NCKAP5: variants seen among roughly 807,000 people sequenced by gnomAD.
NCKAP5 encodes the protein nck-associated protein 5.
In NCKAP5, 92 loss-of-function variants were observed where a neutral mutation model predicts 167.0. The ratio of observed to expected loss-of-function variants is 0.55; its 90% CI spans 0.47 to 0.66. The LOEUF (loss-of-function observed/expected upper bound fraction) is 0.66, where lower values mean the gene tolerates loss of function less well. Ranked by LOEUF, NCKAP5 falls within the 30% of genes least tolerant of loss-of-function variation. The pLI, the probability that NCKAP5 is intolerant of heterozygous loss-of-function variation, is 0.00. For missense variants in NCKAP5, 2,378 were observed against 2,315.0 expected, an observed-to-expected ratio of 1.03 and a Z score of -0.56; for synonymous variants, 891 against 877.4, an observed-to-expected ratio of 1.02 and a Z score of -0.27.
intron 11 of NCKAP5, among the ~76,000 whole-genome samples, chr2:132,819,884 C>T (rs1686575402): frequency 6.6e-6 from 1 of 152,182 alleles, no homozygotes; most frequent in Admixed American, 6.5e-5. Context: ...GTTGAACAAG[C>T]TCCAGTCTGT....
chr2:132,985,714 C>T (rs950266293), intron 7 of NCKAP5, among the ~76,000 whole-genome samples: 14 of 152,134 alleles, frequency 9.2e-5, no homozygotes, highest in African/African-American at 3.4e-4. Flanking sequence ...AGAGTTTCAG[C>T]CCTTTAAATC....
At chr2:132,742,893 A>G (rs931391661) in intron 16 of NCKAP5, among the ~76,000 whole-genome samples, 11 of 152,030 alleles carry the variant, frequency 7.2e-5, no homozygotes, top group African/African-American at 2.6e-4. Flanking sequence ...AGATGAGTCC[A>G]TCTTTCCATT....
chr2:132,689,650 C>T (rs1018316897), intron 19 of NCKAP5, among the ~76,000 whole-genome samples: 7 of 152,144 alleles, frequency 4.6e-5, no homozygotes, highest in African/African-American at 9.7e-5. Flanking sequence ...CAGTCTCTGT[C>T]ATCTGTCATC....
intron 6 of NCKAP5, among the ~76,000 whole-genome samples, chr2:133,037,272 C>T (rs1318496684): frequency 6.6e-6 from 1 of 152,062 alleles, no homozygotes; most frequent in African/African-American, 2.4e-5. Context: ...ATACCAATGA[C>T]ATTCTTCAAA....
chr2:133,674,545 C>T, the NCKAP5 span, among the ~76,000 whole-genome samples: 1 of 152,208 alleles, frequency 6.6e-6, no homozygotes, highest in Admixed American at 6.5e-5. Context: ...CCAGAAAAAT[C>T]ACAGGCAAAC....
intron 9 of NCKAP5, 81 bp from the exon 10 acceptor site, chr2:132,869,055 C>A: frequency 2.9e-6 from 3 of 1,031,854 alleles, no homozygotes; most frequent in South Asian, 3.3e-5. Flanking sequence ...ATAAGTTTCT[C>A]GCAGCTTATT....
chr2:132,787,961 C>A (rs560294493), intron 13 of NCKAP5, among the ~76,000 whole-genome samples: 1 of 152,232 alleles, frequency 6.6e-6, no homozygotes, highest in Admixed American at 6.5e-5. Flanking sequence ...CTGGAGCCTG[C>A]CAGGTGCTGC....
At chr2:133,213,675 T>C in intron 5 of NCKAP5, 41 bp downstream of exon 5, 1 of 1,604,574 alleles carries the variant, frequency 6.2e-7, no homozygotes. Context: ...GCCAGAGACC[T>C]CTGGATGTTG....
At chr2:132,796,574 T>C (rs1402447387) in intron 12 of NCKAP5, 54 bp downstream of exon 12, 1 of 1,283,052 alleles carries the variant, frequency 7.8e-7, no homozygotes, top group East Asian at 2.4e-5. Context: ...TCATATTTGA[T>C]GGAAGGAAAA....
chr2:132,726,963 T>C (rs548184628), intron 18 of NCKAP5, among the ~76,000 whole-genome samples: 1 of 152,218 alleles, frequency 6.6e-6, no homozygotes, highest in African/African-American at 2.4e-5. Flanking sequence ...ATGAGGTACA[T>C]CCTTTCATAG....
At chr2:132,980,374 A>AC (rs1455965239) in intron 7 of NCKAP5, among the ~76,000 whole-genome samples, 1 of 151,930 alleles carries the variant, frequency 6.6e-6, no homozygotes, top group Non-Finnish European at 1.5e-5. Flanking sequence ...CACACCCCAG[A>AC]CCCATTAAAT....
chr2:132,813,610 C>T (rs1048277022), intron 11 of NCKAP5, among the ~76,000 whole-genome samples: 1 of 152,180 alleles, frequency 6.6e-6, no homozygotes, highest in African/African-American at 2.4e-5. Flanking sequence ...AGTGACTCCT[C>T]CTGTGACACC....
At chr2:132,702,805 G>A (rs1395832536) in intron 19 of NCKAP5, among the ~76,000 whole-genome samples, 1 of 152,108 alleles carries the variant, frequency 6.6e-6, no homozygotes, top group Non-Finnish European at 1.5e-5. Flanking sequence ...TTTCTCCCAG[G>A]AACCTCGGGG....
At chr2:133,552,287 C>CA (rs1441467738) in intron 2 of NCKAP5, among the ~76,000 whole-genome samples, 1 of 107,540 alleles carries the variant, frequency 9.3e-6, no homozygotes, top group Non-Finnish European at 1.8e-5. Context: ...TATAAAGACA[C>CA]ATGCACACGT....
At chr2:133,080,908 T>C (rs1381099191) in intron 6 of NCKAP5, among the ~76,000 whole-genome samples, 1 of 152,046 alleles carries the variant, frequency 6.6e-6, no homozygotes, top group Non-Finnish European at 1.5e-5. Flanking sequence ...GACACAGAAC[T>C]TGAATTAGGC....
chr2:133,070,777 A>G (rs1187631999), intron 6 of NCKAP5, among the ~76,000 whole-genome samples: 3 of 152,108 alleles, frequency 2.0e-5, no homozygotes, highest in Admixed American at 6.6e-5. Context: ...GTATCCTCCT[A>G]TATAGAGGCA....
At chr2:133,123,936 A>G (rs1291207014) in intron 6 of NCKAP5, 5 of 382,366 alleles carry the variant, frequency 1.3e-5, no homozygotes, top group South Asian at 3.9e-5. Context: ...CCAAATGGGC[A>G]GCAGAAAATG....
chr2:133,006,117 G>A (rs1378951406), intron 6 of NCKAP5, among the ~76,000 whole-genome samples: 1 of 151,988 alleles, frequency 6.6e-6, no homozygotes, highest in African/African-American at 2.4e-5. Context: ...AAATTATCTG[G>A]GTGTGGTGGC....
the NCKAP5 span, among the ~76,000 whole-genome samples, chr2:133,583,961 A>T: frequency 6.6e-6 from 1 of 152,106 alleles, no homozygotes; most frequent in African/African-American, 2.4e-5. Flanking sequence ...TCACCGTGTT[A>T]GCCAGGATGG....
Sources: allele counts gnomAD v4.1 joint callset (sites outside exome capture counted in the v4.1 genomes callset), GRCh38; gene constraint gnomAD v4.1.1; transcripts MANE v1.5; gene names NCBI Gene and HGNC (gene_info 2026-07-23, HGNC 2026-07-21).